METTL8: variants seen among roughly 807,000 people sequenced by gnomAD.
METTL8 encodes the protein tRNA N(3)-cytidine methyltransferase METTL8, mitochondrial.
Under a neutral mutation model 48.7 loss-of-function variants are expected in METTL8, and 32 were observed. That is an observed-to-expected ratio of 0.66 (90% confidence interval 0.50 to 0.88). The LOEUF (loss-of-function observed/expected upper bound fraction) is 0.88. Among genes scored for constraint, METTL8 ranks in the 40% least tolerant of loss-of-function variants. METTL8 has a pLI of 0.00. For missense variants in METTL8, 464 were observed against 474.4 expected, an observed-to-expected ratio of 0.98 and a Z score of 0.20; for synonymous variants, 136 against 157.1, an observed-to-expected ratio of 0.87 and a Z score of 1.01.
chr2:171,383,821 T>C lies in METTL8; in HGVS notation c.143+8222A>G, dbSNP rs370971822. Among the ~76,000 whole-genome samples the C allele has an allele frequency of 1.4e-4, 22 of 152,308 alleles. 1 individual carries two copies. Among genetic ancestry groups the C allele is most frequent in the African/African-American group, 5.3e-4 (22 of 41,586 alleles). On this transcript the variant is annotated intron_variant, in intron 2 of 9. Transcript: ENST00000375258. ...AAATTGATAAATGTACTAAGTATAA[T>C]TAAAAGACAATAGGCAAAATGTAAA...
At chr2:171,431,849 A>G (rs112735368) in intron 1 of METTL8, among the ~76,000 whole-genome samples, 73 of 152,306 alleles carry the variant, frequency 4.8e-4, no homozygotes, top group African/African-American at 1.7e-3. Context: ...AGCATGCTGT[A>G]ACACCCACCT....
chr2:171,420,977 C>G (rs897428351), intron 1 of METTL8, among the ~76,000 whole-genome samples: 1 of 152,134 alleles, frequency 6.6e-6, no homozygotes, highest in African/African-American at 2.4e-5. Flanking sequence ...CCTTTATAAA[C>G]ATGAATAAGA....
intron 7 of METTL8, among the ~76,000 whole-genome samples, chr2:171,327,273 T>C (rs1685051891): frequency 6.6e-6 from 1 of 152,270 alleles, no homozygotes; most frequent in Non-Finnish European, 1.5e-5. Flanking sequence ...TAAGTGTTCA[T>C]GGCTTTATGT....
intron 2 of METTL8, among the ~76,000 whole-genome samples, chr2:171,371,674 A>T (rs1300650097): frequency 6.6e-6 from 1 of 150,950 alleles, no homozygotes; most frequent in Non-Finnish European, 1.5e-5. Context: ...AGGTTTTTTT[A>T]AAAAAAACCT....
At chr2:171,403,194 ACT>A (rs965742352) in intron 1 of METTL8, among the ~76,000 whole-genome samples, 8 of 152,224 alleles carry the variant, frequency 5.3e-5, no homozygotes, top group African/African-American at 1.2e-4. Flanking sequence ...GGGAAAAATA[ACT>A]CTGCAGCGGA....
At chr2:171,371,425 C>G (rs1410548493) in intron 2 of METTL8, among the ~76,000 whole-genome samples, 1 of 152,162 alleles carries the variant, frequency 6.6e-6, no homozygotes, top group Non-Finnish European at 1.5e-5. Flanking sequence ...GGCACCATCT[C>G]GGTTCACTGC....
chr2:171,417,617 G>A (rs1691445758), intron 1 of METTL8, among the ~76,000 whole-genome samples: 1 of 152,202 alleles, frequency 6.6e-6, no homozygotes, highest in African/African-American at 2.4e-5. Flanking sequence ...TCTGAACCCA[G>A]GCAGGCTGGT....
At chr2:171,432,168 C>A (rs1311656926) in intron 1 of METTL8, among the ~76,000 whole-genome samples, 1 of 152,170 alleles carries the variant, frequency 6.6e-6, no homozygotes, top group African/African-American at 2.4e-5. Context: ...GCAAGCCCAG[C>A]CCGAGCAAGG....
At chr2:171,334,820 G>T (rs527319241) in intron 5 of METTL8, among the ~76,000 whole-genome samples, 21 of 152,260 alleles carry the variant, frequency 1.4e-4, no homozygotes, top group Middle Eastern at 3.4e-3. Flanking sequence ...ACTAGCAAGT[G>T]GGGGAATGAG....
At chr2:171,363,309 C>T (rs1233015399) in intron 2 of METTL8, among the ~76,000 whole-genome samples, 1 of 152,034 alleles carries the variant, frequency 6.6e-6, no homozygotes, top group Non-Finnish European at 1.5e-5. Flanking sequence ...TCCAGCCCTG[C>T]TGCTTTATGG....
intron 3 of METTL8, among the ~76,000 whole-genome samples, chr2:171,340,255 C>CACTTTGGG (rs1686590062): frequency 6.8e-6 from 1 of 148,020 alleles, no homozygotes; most frequent in Non-Finnish European, 1.5e-5. Flanking sequence ...GTAATCCCAG[C>CACTTTGGG]ACTTTGGGAG....
At chr2:171,372,425 C>A (rs990452962) in intron 2 of METTL8, among the ~76,000 whole-genome samples, 2 of 151,792 alleles carry the variant, frequency 1.3e-5, no homozygotes, top group Admixed American at 6.6e-5. Flanking sequence ...ACTTTTCTCT[C>A]TATATATAAA....
At chr2:171,352,612 T>C (rs1374660293) in intron 3 of METTL8, among the ~76,000 whole-genome samples, 2 of 152,306 alleles carry the variant, frequency 1.3e-5, no homozygotes, top group East Asian at 3.9e-4. Context: ...CTTTTTTTGG[T>C]TGGTAGGCTC....
intron 1 of METTL8, among the ~76,000 whole-genome samples, chr2:171,394,653 T>C (rs1399198671): frequency 6.6e-6 from 1 of 152,262 alleles, no homozygotes; most frequent in African/African-American, 2.4e-5. Context: ...ATAACAGTTA[T>C]GCACAGCCTT....
rs1683833966 is a variant in METTL8, at chr2:171,350,842, C to T, written c.235+9580G>A. ...TTTTTCTTGTAAATTTGTTTAAGTTCTTCACAGATTCTGGATATTAGCCCT... is the reference window on the plus strand; with the variant it reads ...TTTTTCTTGTAAATTTGTTTAAGTTTTTCACAGATTCTGGATATTAGCCCT... On this transcript the variant is annotated intron_variant, in intron 3 of 9. Coordinates refer to ENST00000375258, the MANE Select transcript of METTL8 (RefSeq NM_001321154.2). 6.6e-5 allele frequency among the ~76,000 whole-genome samples: 10 copies of T among 152,128 alleles called. No homozygotes were observed. The South Asian group carries it at 2.1e-3, about 31-fold the overall frequency.
intron 3 of METTL8, among the ~76,000 whole-genome samples, chr2:171,346,836 T>C (rs1575781854): frequency 6.6e-6 from 1 of 152,216 alleles, no homozygotes; most frequent in East Asian, 1.9e-4. Context: ...ACATTAAATA[T>C]CAAACCTGAA....
At chr2:171,359,632 T>C (rs1423430612) in intron 3 of METTL8, among the ~76,000 whole-genome samples, 1 of 152,042 alleles carries the variant, frequency 6.6e-6, no homozygotes, top group Non-Finnish European at 1.5e-5. Flanking sequence ...TTTTTTTTTT[T>C]AGACGGAGTC....
chr2:171,413,709 A>T (rs992568440), intron 1 of METTL8, among the ~76,000 whole-genome samples: 1 of 152,196 alleles, frequency 6.6e-6, no homozygotes, highest in African/African-American at 2.4e-5. Context: ...AGAGGTCCTG[A>T]GACCAAAAAG....
intron 2 of METTL8, among the ~76,000 whole-genome samples, chr2:171,379,676 C>T (rs374287098): frequency 2.0e-5 from 3 of 152,110 alleles, no homozygotes; most frequent in African/African-American, 4.8e-5. Flanking sequence ...TTCCTGGACA[C>T]GTACACCCTC....
Sources: allele counts gnomAD v4.1 joint callset (sites outside exome capture counted in the v4.1 genomes callset), GRCh38; gene constraint gnomAD v4.1.1; transcripts MANE v1.5; gene names NCBI Gene and HGNC (gene_info 2026-07-23, HGNC 2026-07-21).